ZNF214: variants seen among roughly 807,000 people sequenced by gnomAD.
ZNF214 encodes the protein zinc finger protein 214.
Under a neutral mutation model 53.9 loss-of-function variants are expected in ZNF214, and 43 were observed. The ratio of observed to expected loss-of-function variants is 0.80; its 90% confidence interval spans 0.63 to 1.03. The LOEUF (loss-of-function observed/expected upper bound fraction) is 1.03, where lower values mean the gene tolerates loss of function less well. ZNF214 is among the 50% of genes least tolerant of loss of function. The probability of loss-of-function intolerance (pLI) is 0.00; values close to 1 mark genes in which losing one functional copy is unlikely to be tolerated. For synonymous variants in ZNF214, 217 were observed against 229.5 expected (o/e 0.95, Z 0.49); for missense variants, 724 against 719.1 (o/e 1.01, Z -0.08).
chr11:7,014,820 C>CA (rs1186246829), intron 1 of ZNF214, among the ~76,000 whole-genome samples: 1,016 of 91,200 alleles, frequency 0.011, 16 homozygotes, highest in African/African-American at 0.026. Flanking sequence ...AAAAAAAAAA[C>CA]AAAAAAAAAA....
At position 7,018,495 on chromosome 11, in the gene ZNF214, C is replaced by CTTTTTTTTT. The variant is rs55641448; in HGVS notation, c.-21+1569_-21+1577dup. ...TAGTTTATTACCCCCAATGTTAAGACTTTTTTTTTTTTTTTTTTTTTTTTG... is the reference window on the plus strand; with the variant it reads ...TAGTTTATTACCCCCAATGTTAAGACTTTTTTTTTTTTTTTTTTTTTTTTTTTTTTTTTG... On this transcript the variant is annotated intron_variant, in intron 1 of 2. Coordinates refer to ENST00000278314, the MANE Select transcript of ZNF214 (RefSeq NM_013249.4). Among the ~76,000 whole-genome samples the CTTTTTTTTT allele has an allele frequency of 6.8e-3, 423 of 61,888 alleles. 45 individuals carry two copies. Among genetic ancestry groups the CTTTTTTTTT allele is most frequent in the Non-Finnish European group, 9.4e-3 (322 of 34,192 alleles). 40.6% of individuals were successfully genotyped at this position (61,888 alleles called of 152,430 possible).
intron 1 of ZNF214, among the ~76,000 whole-genome samples, chr11:7,013,817 G>C (rs1851676769): frequency 6.6e-6 from 1 of 152,198 alleles, no homozygotes; most frequent in Non-Finnish European, 1.5e-5. Flanking sequence ...TCATGGTAAA[G>C]TGGTAGTTTA....
chr11:7,005,134 A>G (rs1405080495), intron 1 of ZNF214, among the ~76,000 whole-genome samples: 1 of 151,874 alleles, frequency 6.6e-6, no homozygotes, highest in African/African-American at 2.4e-5. Context: ...TAATGTCTAT[A>G]TGATAAATAT....
At position 6,997,951 on chromosome 11, in the gene ZNF214, T is replaced by G. The variant is rs1241787031; in HGVS notation, c.*1911A>C. On this transcript the variant is annotated 3_prime_UTR_variant, in exon 3 of 3. Transcript: ENST00000278314. ...TAATTTTTTGAAGTTTTGGAAACTA[T>G]CCAGACAACTGCATATCTAATTGAT... Among the ~76,000 whole-genome samples, 1 of 151,940 alleles carries G rather than the reference T, an allele frequency of 6.6e-6. No homozygotes were observed. Among genetic ancestry groups the G allele is most frequent in the Non-Finnish European group, 1.5e-5 (1 of 67,876 alleles).
In ZNF214 at chr11:7,000,141, G is replaced by GTCC; in HGVS notation, c.1541_1542insGGA (p.Leu514_Ile515insAsp). The GTCC allele has an allele frequency of 6.2e-7, 1 of 1,613,026 alleles. No individual in the cohort carries two copies. Among genetic ancestry groups the GTCC allele is most frequent in the Non-Finnish European group, 8.5e-7 (1 of 1,179,514 alleles). On this transcript the variant is annotated inframe_insertion, in exon 3 of 3. Transcript: ENST00000278314. ...CTCCTGTATGGACTCTCTGATGAAT[G>GTCC]AGAAGATGTGAACGCTGACTGAATC... is the stretch of plus-strand genomic sequence containing the variant.
chr11:7,015,920 T>G (rs1355375054), intron 1 of ZNF214: 1 of 151,878 alleles, frequency 6.6e-6, no homozygotes, highest in East Asian at 1.9e-4. Context: ...AATCCAGAAA[T>G]GGACACAAGT....
At position 7,000,784 on chromosome 11, in the gene ZNF214, TC is replaced by T. The variant is rs761589591; in HGVS notation, c.898del (p.Glu300ArgfsTer54). 5 of 1,610,496 alleles carry T rather than the reference TC, an allele frequency of 3.1e-6. No individual in the cohort carries two copies. Among genetic ancestry groups the T allele is most frequent in the Non-Finnish European group, 2.5e-6 (3 of 1,179,236 alleles). Reference sequence around the variant, plus strand: ...ACATGCATTACAGCTATAAGGTACCTCCCCTATGTGAACTCTCTGATGAAAG... The same window carrying T: ...ACATGCATTACAGCTATAAGGTACCTCCCTATGTGAACTCTCTGATGAAAG... The part of the protein sequence containing the change: ...VHFHQRVHIG[E>X]VPYSCNACGK... On this transcript the variant is annotated frameshift_variant, in exon 3 of 3. Coordinates refer to ENST00000278314, the MANE Select transcript of ZNF214 (RefSeq NM_013249.4). LOFTEE classifies it high-confidence loss of function.
intron 1 of ZNF214, among the ~76,000 whole-genome samples, chr11:7,010,849 A>G (rs1851590783): frequency 6.6e-6 from 1 of 151,976 alleles, no homozygotes; most frequent in African/African-American, 2.4e-5. Flanking sequence ...AGATTTTTCA[A>G]TGATGCAAGG....
At chr11:7,007,629 G>A (rs1301917040) in intron 1 of ZNF214, among the ~76,000 whole-genome samples, 1 of 151,760 alleles carries the variant, frequency 6.6e-6, no homozygotes, top group Non-Finnish European at 1.5e-5. Flanking sequence ...CAAATGACAA[G>A]TGTCACAAAT....
At chr11:7,018,011 A>G (rs1448457574) in intron 1 of ZNF214, among the ~76,000 whole-genome samples, 1 of 152,166 alleles carries the variant, frequency 6.6e-6, no homozygotes, top group Non-Finnish European at 1.5e-5. Context: ...AATGTTTTAT[A>G]TATACTAATC....
In ZNF214 at chr11:7,008,092, C is replaced by T. The variant is rs543061851; in HGVS notation, c.-20-5237G>A. Among the ~76,000 whole-genome samples the T allele has an allele frequency of 5.3e-5, 8 of 152,010 alleles. No individual in the cohort carries two copies. In the East Asian group the frequency reaches 7.7e-4, roughly 15 times the overall value. On this transcript the variant is annotated intron_variant, in intron 1 of 2. Transcript: ENST00000278314. ...CTAAATGTAATAATGACAATAATTACGTAAAAAATGTGCAAGATCCAAATG... is the reference window on the plus strand; with the variant it reads ...CTAAATGTAATAATGACAATAATTATGTAAAAAATGTGCAAGATCCAAATG...
chr11:7,009,102 A>G (rs190472404), intron 1 of ZNF214, among the ~76,000 whole-genome samples: 3 of 152,302 alleles, frequency 2.0e-5, no homozygotes, highest in African/African-American at 7.2e-5. Context: ...ATATGGAACC[A>G]AAAAGGAGCC....
chr11:7,001,589 T>A (rs1371251631), intron 2 of ZNF214, 34 bp from the exon 3 acceptor site: 1 of 1,543,188 alleles, frequency 6.5e-7, no homozygotes, highest in Non-Finnish European at 8.7e-7. Context: ...CATGGTGAGA[T>A]AAAAGCTGTG....
At chr11:7,010,132 A>T (rs1347080781) in intron 1 of ZNF214, among the ~76,000 whole-genome samples, 1 of 152,174 alleles carries the variant, frequency 6.6e-6, no homozygotes, top group Admixed American at 6.5e-5. Flanking sequence ...TGTTCATTTC[A>T]GCACTATTCA....
intron 1 of ZNF214, among the ~76,000 whole-genome samples, chr11:7,012,221 G>C (rs1210401204): frequency 6.6e-6 from 1 of 152,112 alleles, no homozygotes; most frequent in African/African-American, 2.4e-5. Flanking sequence ...TAACCAATGT[G>C]CTTCTTTATC....
At chr11:7,003,820 C>T (rs2133388045) in intron 1 of ZNF214, among the ~76,000 whole-genome samples, 1 of 151,756 alleles carries the variant, frequency 6.6e-6, no homozygotes, top group South Asian at 2.1e-4. Flanking sequence ...AAACATTAAC[C>T]ACAAATAAGA....
rs375944290 is a variant in ZNF214 at position 7,000,258 on chromosome 11, A to G, written c.1425T>C (p.Cys475=). The part of the protein sequence containing the change: ...TGEKPYTCPE[C]GKGFSKSSKL... The stretch of plus-strand genomic sequence containing the variant: ...TTGAACTCTTACTGAAGCCCTTCCC[A>G]CATTCAGGACAAGTATAGGGTTTCT... Residue 475 remains cysteine, a synonymous_variant, in exon 3 of 3, where the codon TGT becomes TGC. Transcript: ENST00000278314. 6.2e-7 allele frequency: 1 copy of G among 1,613,184 alleles called. No individual in the cohort carries two copies. Among genetic ancestry groups the G allele is most frequent in the Admixed American group, 1.7e-5 (1 of 59,818 alleles).
chr11:7,014,773 C>T (rs1378651561), intron 1 of ZNF214, among the ~76,000 whole-genome samples: 1 of 146,568 alleles, frequency 6.8e-6, no homozygotes, highest in African/African-American at 2.5e-5. Context: ...TCGAGACCAG[C>T]CTGGCCAACA....
rs1474893743 is a variant in ZNF214 at position 6,997,943 on chromosome 11, G to A, written c.*1919C>T. 1.3e-5 allele frequency among the ~76,000 whole-genome samples: 2 copies of A among 151,694 alleles called. No homozygotes were observed. The highest frequency in any genetic ancestry group is 2.9e-5 in the Non-Finnish European group (2 of 67,812). ...TGCACATTTAATTTTTTGAAGTTTT[G>A]GAAACTATCCAGACAACTGCATATC... On this transcript the variant is annotated 3_prime_UTR_variant, in exon 3 of 3. Transcript: ENST00000278314.
Sources: allele counts gnomAD v4.1 joint callset (sites outside exome capture counted in the v4.1 genomes callset), GRCh38; gene constraint gnomAD v4.1.1; transcripts MANE v1.5; gene names NCBI Gene and HGNC (gene_info 2026-07-23, HGNC 2026-07-21).